The following NOS1AP variants were observed in gnomAD, a reference collection of about 807,000 sequenced individuals.
NOS1AP encodes carboxyl-terminal PDZ ligand of neuronal nitric oxide synthase protein.
NOS1AP carries 21 observed loss-of-function variants against 56.2 expected under a neutral mutation model. The observed-to-expected ratio is 0.37, with a 90% CI of 0.26 to 0.54. The LOEUF (loss-of-function observed/expected upper bound fraction) is 0.54. Ranked by LOEUF, NOS1AP falls within the 20% of genes least tolerant of loss-of-function variation. The pLI, the probability that NOS1AP is intolerant of heterozygous loss-of-function variation, is 0.84. For synonymous variants in NOS1AP, 270 were observed against 274.6 expected, an observed-to-expected ratio of 0.98 and a Z score of 0.17; for missense variants, 522 against 657.8, an observed-to-expected ratio of 0.79 and a Z score of 2.26.
intron 4 of NOS1AP, among the ~76,000 whole-genome samples, chr1:162,324,398 T>C (rs2101784879): frequency 6.6e-6 from 1 of 150,516 alleles, no homozygotes; most frequent in African/African-American, 2.4e-5. Flanking sequence ...GTGTAGTGGT[T>C]TTGTGAGGGA....
intron 2 of NOS1AP, among the ~76,000 whole-genome samples, chr1:162,210,033 A>G (rs1314294958): frequency 1.3e-5 from 2 of 152,112 alleles, no homozygotes; most frequent in African/African-American, 4.8e-5. Flanking sequence ...TTAAAAATGT[A>G]TATATTTTTG....
At chr1:162,339,254 T>C (rs1437116175) in intron 5 of NOS1AP, among the ~76,000 whole-genome samples, 3 of 152,230 alleles carry the variant, frequency 2.0e-5, no homozygotes, top group Non-Finnish European at 4.4e-5. Flanking sequence ...ATCTTGACAA[T>C]GAAGAGCCCA....
rs1446671257 is a variant in NOS1AP, at chr1:162,257,635, C to T, written c.178-29709C>T. On this transcript the variant is annotated intron_variant, in intron 2 of 9. Transcript: ENST00000361897. ...CTGCACTCCAGCCTGGGTGACAGAG[C>T]GAGACTCCATCTCAAAAAAAAAAAA... is the stretch of plus-strand genomic sequence containing the variant. 2.7e-5 allele frequency among the ~76,000 whole-genome samples: 4 copies of T among 149,088 alleles called. No individual in the cohort carries two copies. In the South Asian group the frequency reaches 6.3e-4, roughly 24 times the overall value.
chr1:162,340,702 C>G (rs1657082937), intron 5 of NOS1AP, among the ~76,000 whole-genome samples: 1 of 152,160 alleles, frequency 6.6e-6, no homozygotes, highest in African/African-American at 2.4e-5. Context: ...ATGGGATGCC[C>G]TTTCCAGCAT....
intron 2 of NOS1AP, among the ~76,000 whole-genome samples, chr1:162,211,539 A>G (rs1190591479): frequency 2.6e-5 from 4 of 152,158 alleles, no homozygotes; most frequent in Non-Finnish European, 4.4e-5. Flanking sequence ...TGGGGGAGGG[A>G]CAATACAATC....
chr1:162,203,830 G>C (rs901151274), intron 2 of NOS1AP, among the ~76,000 whole-genome samples: 1 of 152,138 alleles, frequency 6.6e-6, no homozygotes, highest in African/African-American at 2.4e-5. Context: ...AGAGGATTTG[G>C]TCTTTTTCCT....
At chr1:162,313,606 T>G (rs1026350122) in intron 4 of NOS1AP, among the ~76,000 whole-genome samples, 4 of 152,170 alleles carry the variant, frequency 2.6e-5, no homozygotes, top group African/African-American at 9.7e-5. Context: ...GGAAAGAAAC[T>G]CCTGTCAGTG....
chr1:162,145,073 AG>A (rs1176830048), intron 1 of NOS1AP, among the ~76,000 whole-genome samples: 1 of 152,202 alleles, frequency 6.6e-6, no homozygotes, highest in Non-Finnish European at 1.5e-5. Context: ...GCCCCTGCTG[AG>A]CTACTGATCA....
intron 6 of NOS1AP, among the ~76,000 whole-genome samples, chr1:162,352,500 A>C (rs1657548069): frequency 6.6e-6 from 1 of 151,048 alleles, no homozygotes; most frequent in Non-Finnish European, 1.5e-5. Flanking sequence ...CTTTCCATTC[A>C]TGCACTATAG....
At chr1:162,204,109 T>C (rs558222204) in intron 2 of NOS1AP, among the ~76,000 whole-genome samples, 3 of 152,324 alleles carry the variant, frequency 2.0e-5, no homozygotes, top group African/African-American at 7.2e-5. Flanking sequence ...GCTTCAACCC[T>C]GCAATAGTTC....
At chr1:162,225,383 C>CA (rs1385561070) in intron 2 of NOS1AP, among the ~76,000 whole-genome samples, 1 of 152,186 alleles carries the variant, frequency 6.6e-6, no homozygotes, top group Non-Finnish European at 1.5e-5. Context: ...GAAGATGCTC[C>CA]AGCCCCACTG....
chr1:162,192,069 AAT>A (rs549698866), intron 2 of NOS1AP, among the ~76,000 whole-genome samples: 127 of 152,284 alleles, frequency 8.3e-4, no homozygotes, highest in African/African-American at 2.8e-3. Context: ...TGATTCTGAA[AAT>A]GTGATCCCCA....
In NOS1AP at chr1:162,169,513, C is replaced by T. The variant is rs559105540; in HGVS notation, c.177+15037C>T. On this transcript the variant is annotated intron_variant, in intron 2 of 9. Coordinates refer to ENST00000361897, the MANE Select transcript of NOS1AP (RefSeq NM_014697.3). ...CTGCATTTAGTTGCTTAGCTGGGCA[C>T]TCAGACAGCTGCTTTAAGAATCCAG... Among the ~76,000 whole-genome samples the T allele has an allele frequency of 5.3e-5, 8 of 152,314 alleles. No individual in the cohort carries two copies. The South Asian group carries it at 6.2e-4, about 12-fold the overall frequency.
At chr1:162,294,809 G>A (rs1478392414) in intron 3 of NOS1AP, among the ~76,000 whole-genome samples, 1 of 152,172 alleles carries the variant, frequency 6.6e-6, no homozygotes, top group Non-Finnish European at 1.5e-5. Flanking sequence ...TAGAATTTGG[G>A]CATGGCAGAA....
intron 1 of NOS1AP, among the ~76,000 whole-genome samples, chr1:162,100,407 G>GT (rs1692357929): frequency 6.6e-6 from 1 of 152,134 alleles, no homozygotes; most frequent in Non-Finnish European, 1.5e-5. Context: ...TTTTTCATGC[G>GT]TTTTTTGGCT....
chr1:162,195,271 T>A (rs1651768967), intron 2 of NOS1AP, among the ~76,000 whole-genome samples: 1 of 152,188 alleles, frequency 6.6e-6, no homozygotes, highest in South Asian at 2.1e-4. Flanking sequence ...TTACTATTTC[T>A]CAGCATGAAG....
At chr1:162,213,352 A>G (rs765370444) in intron 2 of NOS1AP, among the ~76,000 whole-genome samples, 15 of 152,106 alleles carry the variant, frequency 9.9e-5, no homozygotes, top group Non-Finnish European at 1.9e-4. Context: ...TGGTGGTTAT[A>G]TGGGGAGCTG....
intron 8 of NOS1AP, among the ~76,000 whole-genome samples, chr1:162,361,210 C>T (rs547583258): frequency 3.0e-4 from 46 of 152,178 alleles, no homozygotes; most frequent in Non-Finnish European, 5.7e-4. Flanking sequence ...TTGTACCTTT[C>T]CAGAAAGAAA....
At position 162,208,837 on chromosome 1, in the gene NOS1AP, C is replaced by G. The variant is rs184761138; in HGVS notation, c.177+54361C>G. On this transcript the variant is annotated intron_variant, in intron 2 of 9. Coordinates refer to ENST00000361897, the MANE Select transcript of NOS1AP (RefSeq NM_014697.3). ...AGTAGATGTCTAATAAATGTTTACT[C>G]CATCTGCTCAGCTCATTTTCCTGGT... Among the ~76,000 whole-genome samples the G allele has an allele frequency of 1.9e-3, 286 of 152,358 alleles. 1 individual carries two copies. The highest frequency in any genetic ancestry group is 0.017 in the Middle Eastern group (5 of 294).
Sources: allele counts gnomAD v4.1 joint callset (sites outside exome capture counted in the v4.1 genomes callset), GRCh38; gene constraint gnomAD v4.1.1; transcripts MANE v1.5; gene names NCBI Gene and HGNC (gene_info 2026-07-23, HGNC 2026-07-21).